The following RAB27B variants were observed in gnomAD, a reference collection of about 807,000 sequenced individuals.
The protein encoded by RAB27B is ras-related protein Rab-27B.
In RAB27B, 15 loss-of-function variants were observed where a neutral mutation model predicts 24.6. That is an observed-to-expected ratio of 0.61 (90% confidence interval 0.41 to 0.94). The LOEUF is 0.94. RAB27B is among the 40% of genes least tolerant of loss of function. The pLI is 0.00. For synonymous variants in RAB27B, 105 were observed against 92.5 expected (o/e 1.14, Z -0.78); for missense variants, 261 against 266.8 (o/e 0.98, Z 0.15).
intron 3 of RAB27B, among the ~76,000 whole-genome samples, chr18:54,881,520 C>T (rs1389234584): frequency 1.3e-5 from 2 of 152,124 alleles, no homozygotes; most frequent in Non-Finnish European, 2.9e-5. Context: ...AGCCAGTTCT[C>T]TTATCTTATA....
intron 1 of RAB27B, among the ~76,000 whole-genome samples, chr18:54,851,699 A>G (rs564853344): frequency 6.6e-6 from 1 of 151,634 alleles, no homozygotes; most frequent in East Asian, 1.9e-4. Context: ...TTTTTTCTGC[A>G]TTGGAATCAT....
At chr18:54,746,286 C>A (rs911075439) in intron 2 of RAB27B, among the ~76,000 whole-genome samples, 1 of 152,236 alleles carries the variant, frequency 6.6e-6, no homozygotes, top group South Asian at 2.1e-4. Flanking sequence ...TCCTAATTGC[C>A]GGTCGGATGA....
rs779804156 is a variant in RAB27B at position 54,888,152 on chromosome 18, G to C, written c.467+34G>C. The stretch of plus-strand genomic sequence containing the variant: ...GTTACACTGAGATGGCATGTGACTT[G>C]CACACTGCTGTTCAGCAAATGGAGC... On this transcript the variant is annotated intron_variant, in intron 5 of 5. Coordinates refer to ENST00000262094, the MANE Select transcript of RAB27B (RefSeq NM_004163.4). The C allele has an allele frequency of 1.9e-6, 3 of 1,607,348 alleles. No individual in the cohort carries two copies. The Admixed American group carries it at 5.0e-5, about 27-fold the overall frequency.
intron 1 of RAB27B, among the ~76,000 whole-genome samples, chr18:54,849,154 C>CCT (rs1384517280): frequency 1.3e-5 from 2 of 152,114 alleles, no homozygotes; most frequent in Non-Finnish European, 2.9e-5. Context: ...TCAGGGCCTG[C>CCT]CTGAACCTCC....
chr18:54,798,712 C>G (rs1909500321), intron 2 of RAB27B, among the ~76,000 whole-genome samples: 1 of 152,216 alleles, frequency 6.6e-6, no homozygotes, highest in Admixed American at 6.5e-5. Flanking sequence ...GATTCTGAAA[C>G]TTCTAAGTTG....
chr18:54,746,486 A>G (rs1182969127), intron 2 of RAB27B, among the ~76,000 whole-genome samples: 1 of 152,164 alleles, frequency 6.6e-6, no homozygotes, highest in Non-Finnish European at 1.5e-5. Flanking sequence ...TTTTTGAAAA[A>G]CAAATTTGGC....
chr18:54,718,685 A>G (rs1031159179), intron 2 of RAB27B, among the ~76,000 whole-genome samples: 1 of 152,236 alleles, frequency 6.6e-6, no homozygotes, highest in Non-Finnish European at 1.5e-5. Context: ...ACACAGAAAC[A>G]TTAAAAAACA....
intron 2 of RAB27B, among the ~76,000 whole-genome samples, chr18:54,769,095 C>T (rs1049101479): frequency 6.6e-6 from 1 of 152,172 alleles, no homozygotes; most frequent in African/African-American, 2.4e-5. Flanking sequence ...TCCATAGTCT[C>T]ATCTGAGACA....
upstream of RAB27B, among the ~76,000 whole-genome samples, chr18:54,826,866 T>C (rs1272942038): frequency 5.3e-5 from 8 of 152,200 alleles, no homozygotes; most frequent in African/African-American, 1.9e-4. Flanking sequence ...CACAGTAATG[T>C]TGTGAAAGCC....
Position 54,893,674 on chromosome 18 carries a change from A to G in RAB27B, c.*4261A>G, listed in dbSNP as rs1378035117. The G allele has an allele frequency of 1.3e-5, 2 of 152,054 alleles. No homozygotes were observed. Among genetic ancestry groups the G allele is most frequent in the Non-Finnish European group, 2.9e-5 (2 of 67,962 alleles). 9.4% of individuals were successfully genotyped at this position (152,054 alleles called of 1,614,324 possible). On this transcript the variant is annotated 3_prime_UTR_variant, in exon 6 of 6. Transcript: ENST00000262094. ...AAATCCATGAAGCTGCTTGTCTCAT[A>G]AAGTAGAACTGATACAAATTTTGGT... is the stretch of plus-strand genomic sequence containing the variant.
intron 2 of RAB27B, among the ~76,000 whole-genome samples, chr18:54,818,625 C>T (rs1296581135): frequency 6.6e-6 from 1 of 152,074 alleles, no homozygotes; most frequent in African/African-American, 2.4e-5. Context: ...CATTCAGGTC[C>T]TACACACCAC....
chr18:54,858,886 G>GA (rs1296485868), intron 1 of RAB27B, among the ~76,000 whole-genome samples: 20 of 152,276 alleles, frequency 1.3e-4, no homozygotes, highest in Admixed American at 1.2e-3. Context: ...CAATAAACTG[G>GA]AAGTGTCAGA....
chr18:54,873,902 G>C (rs544382360), intron 1 of RAB27B, among the ~76,000 whole-genome samples: 2 of 152,280 alleles, frequency 1.3e-5, no homozygotes, highest in East Asian at 3.9e-4. Context: ...ACAGTGCCAA[G>C]CTTTGCATTC....
exon 1 of RAB27B, chr18:54,717,928 A>T (rs1909240840): frequency 6.6e-6 from 1 of 152,194 alleles, no homozygotes; most frequent in South Asian, 2.1e-4. Context: ...CTTCTGTTCG[A>T]TTAGAAGGTA....
intron 2 of RAB27B, among the ~76,000 whole-genome samples, chr18:54,769,537 G>A (rs1908478100): frequency 6.6e-6 from 1 of 151,734 alleles, no homozygotes; most frequent in Non-Finnish European, 1.5e-5. Context: ...CTATGATTTG[G>A]TCTATTGGTT....
intron 1 of RAB27B, among the ~76,000 whole-genome samples, chr18:54,869,202 T>A (rs1275092873): frequency 2.6e-5 from 4 of 152,232 alleles, no homozygotes; most frequent in Non-Finnish European, 5.9e-5. Context: ...TATCTGTCAA[T>A]ATTGTTCTGC....
rs747615317 is a variant in RAB27B at position 54,884,366 on chromosome 18, C to T, written c.273C>T (p.Asp91=). The change falls in exon 4 of 6, where the codon GAC becomes GAT. Residue 91 remains aspartate (D), a synonymous_variant. Coordinates refer to ENST00000262094, the MANE Select transcript of RAB27B (RefSeq NM_004163.4). ...GTCTCACCACTGCATTTTTCAGAGA[C>T]GCCATGGGCTTCTTATTAATGTTTG... The part of the protein sequence containing the change: ...FRSLTTAFFR[D]AMGFLLMFDL... 43 of 1,612,638 alleles carry T rather than the reference C, an allele frequency of 2.7e-5. No homozygotes were observed. Among genetic ancestry groups the T allele is most frequent in the Admixed American group, 1.3e-4 (8 of 59,962 alleles).
At chr18:54,865,795 C>T (rs1319625437) in intron 1 of RAB27B, among the ~76,000 whole-genome samples, 1 of 152,152 alleles carries the variant, frequency 6.6e-6, no homozygotes, top group Non-Finnish European at 1.5e-5. Context: ...AATGAATATG[C>T]AATAAACACT....
At chr18:54,814,762 T>A (rs1297176724) in intron 2 of RAB27B, among the ~76,000 whole-genome samples, 1 of 152,236 alleles carries the variant, frequency 6.6e-6, no homozygotes. Context: ...AATAGATATA[T>A]TTCAACATTT....
Sources: gnomAD v4.1 joint callset for allele counts (sites outside exome capture counted in the v4.1 genomes callset) on GRCh38, gnomAD v4.1.1 for gene constraint, MANE v1.5 for transcripts, NCBI Gene and HGNC (gene_info 2026-07-23, HGNC 2026-07-21) for gene names.